The following CACNA2D4 variants were observed in gnomAD, a reference collection of about 807,000 sequenced individuals.
CACNA2D4 encodes the protein calcium voltage-gated channel auxiliary subunit alpha2delta 4, also known as voltage-dependent calcium channel subunit alpha-2/delta-4.
A neutral mutation model predicts 163.8 loss-of-function variants in CACNA2D4; 157 were observed. The ratio of observed to expected loss-of-function variants is 0.96; its 90% CI spans 0.84 to 1.09. CACNA2D4 has a LOEUF of 1.09. Ranked by LOEUF, CACNA2D4 falls within the 50% of genes least tolerant of loss-of-function variation. The pLI is 0.00. For missense variants in CACNA2D4, 1,410 were observed against 1,479.9 expected (o/e 0.95, Z 0.78); for synonymous variants, 598 against 586.9 (o/e 1.02, Z -0.27).
intron 26 of CACNA2D4, among the ~76,000 whole-genome samples, chr12:1,840,442 A>G (rs1295469858): frequency 1.3e-4 from 16 of 121,334 alleles, no homozygotes; most frequent in African/African-American, 2.2e-4. Flanking sequence ...TATGTGGAAG[A>G]GGGGGGTGGG....
At chr12:1,905,882 T>C (rs11062017) in intron 6 of CACNA2D4, among the ~76,000 whole-genome samples, 5,586 of 152,136 alleles carry the variant, frequency 0.037, 332 homozygotes, top group African/African-American at 0.12. Context: ...CCTAAACAAT[T>C]TGGGGGGAAA....
At position 1,798,691 on chromosome 12, in the gene CACNA2D4, G is replaced by C. The variant is rs551824270; in HGVS notation, c.2995+984C>G. On this transcript the variant is annotated intron_variant, in intron 34 of 37. Transcript: ENST00000382722. The surrounding 1 kb of genome is among the most constrained non-coding windows in gnomAD (Gnocchi z 4.3). ...ACTGACATCTGTGTAGGCCAGACCA[G>C]GGGGAGGAGCTCCAGGGGACAGGTA... Among the ~76,000 whole-genome samples the C allele has an allele frequency of 4.6e-5, 7 of 152,304 alleles. No individual in the cohort carries two copies. The highest frequency in any genetic ancestry group is 4.6e-4 in the Admixed American group (7 of 15,304).
chr12:1,856,554 T>C (rs1465774915), intron 20 of CACNA2D4, among the ~76,000 whole-genome samples: 1 of 152,206 alleles, frequency 6.6e-6, no homozygotes, highest in African/African-American at 2.4e-5. Flanking sequence ...CCAGGTTGGA[T>C]TTGGGTTATT....
chr12:1,804,376 C>T (rs963616840), intron 29 of CACNA2D4, among the ~76,000 whole-genome samples: 2 of 152,124 alleles, frequency 1.3e-5, no homozygotes, highest in African/African-American at 4.8e-5. Flanking sequence ...GTCTTAATTC[C>T]TACAAACCTG....
At chr12:1,817,915 G>A (rs1443451855) in intron 26 of CACNA2D4, among the ~76,000 whole-genome samples, 1 of 152,020 alleles carries the variant, frequency 6.6e-6, no homozygotes, top group Non-Finnish European at 1.5e-5. Context: ...CCCCGTCTGG[G>A]AAGTGAGGAG....
Position 1,828,073 on chromosome 12 carries a change from C to G in CACNA2D4, c.2551+12666G>C. 1 of 1,385,086 alleles carries G rather than the reference C, an allele frequency of 7.2e-7. No homozygotes were observed. Among genetic ancestry groups the G allele is most frequent in the Non-Finnish European group, 9.6e-7 (1 of 1,045,524 alleles). The allele number at this position is 1,385,086 out of a possible 1,614,324, so 85.8% of individuals were successfully genotyped here. A position where few individuals can be genotyped will look rare whatever the true frequency, so the allele number is the denominator to read the frequency against. ...CTGTGCTCAGTGCTCCTCCCTCCCT[C>G]AGGACTGACAGGCGGCGCACCCAGG... On this transcript the variant is annotated intron_variant, in intron 26 of 37. Transcript: ENST00000382722. This position sits in a 1 kb window ranked among gnomAD's most constrained non-coding sequence, Gnocchi z 4.2.
intron 19 of CACNA2D4, among the ~76,000 whole-genome samples, chr12:1,859,724 G>T (rs1276145658): frequency 6.6e-6 from 1 of 152,270 alleles, no homozygotes; most frequent in Non-Finnish European, 1.5e-5. Flanking sequence ...GTAGGAGGCA[G>T]AGGTGACGCA....
chr12:1,824,631 C>G (rs544031750), intron 26 of CACNA2D4, among the ~76,000 whole-genome samples: 138 of 152,224 alleles, frequency 9.1e-4, no homozygotes, highest in Non-Finnish European at 1.6e-3. Flanking sequence ...ATGCTGCACC[C>G]TGGGTAGGGA....
chr12:1,831,056 C>T (rs373151998), intron 26 of CACNA2D4: 154 of 1,613,944 alleles, frequency 9.5e-5, no homozygotes, highest in Non-Finnish European at 1.2e-4. Context: ...CCACGGTGCC[C>T]CCAGACGTGC....
intron 2 of CACNA2D4, among the ~76,000 whole-genome samples, chr12:1,914,026 A>G (rs989763296): frequency 2.0e-5 from 3 of 152,218 alleles, no homozygotes; most frequent in Non-Finnish European, 2.9e-5. Context: ...TCATCGCTAC[A>G]GTGGCCTGTG....
At position 1,795,338 on chromosome 12, in the gene CACNA2D4, G is replaced by A; in HGVS notation, c.3270C>T (p.Leu1090=). The A allele has an allele frequency of 6.2e-7, 1 of 1,612,724 alleles. No individual in the cohort carries two copies. The highest frequency in any genetic ancestry group is 8.5e-7 in the Non-Finnish European group (1 of 1,179,888). The change falls in exon 37 of 38, where the codon CTC becomes CTT. Residue 1090 remains leucine (L), a synonymous_variant. Transcript: ENST00000382722. ...CGTGGCAGGAGTCTGGTCGCCGGCG[G>A]AGCTTCTGGGAGCGCATCCGGTCAC... ...VKCDRMRSQK[L]RRRPDSCHAF...
intron 29 of CACNA2D4, among the ~76,000 whole-genome samples, chr12:1,805,815 G>C (rs1386639223): frequency 6.6e-6 from 1 of 152,270 alleles, no homozygotes; most frequent in East Asian, 1.9e-4. Flanking sequence ...GCCAAGGCAG[G>C]CTGCCCAGAG....
chr12:1,865,717 C>A (rs1008277074), intron 18 of CACNA2D4, among the ~76,000 whole-genome samples: 1 of 152,134 alleles, frequency 6.6e-6, no homozygotes, highest in African/African-American at 2.4e-5. Context: ...GGGCGGCAGG[C>A]GCGAGGGGAG....
intron 23 of CACNA2D4, among the ~76,000 whole-genome samples, chr12:1,847,118 C>T (rs979245595): frequency 6.6e-6 from 1 of 152,180 alleles, no homozygotes; most frequent in Non-Finnish European, 1.5e-5. Context: ...CTTACCGAAA[C>T]GTGAAGGGAG....
chr12:1,811,830 A>C, intron 26 of CACNA2D4, 107 bp from the exon 27 acceptor site: 1 of 1,111,608 alleles, frequency 9.0e-7, no homozygotes, highest in Non-Finnish European at 1.3e-6. Context: ...GAGGAGAGAG[A>C]CCGCAGCGGA....
intron 20 of CACNA2D4, among the ~76,000 whole-genome samples, 174 bp downstream of exon 20, chr12:1,858,403 C>G (rs1865446273): frequency 6.6e-6 from 1 of 152,084 alleles, no homozygotes; most frequent in Non-Finnish European, 1.5e-5. Context: ...GCCCTGGGAG[C>G]CAGGGACACA....
intron 18 of CACNA2D4, among the ~76,000 whole-genome samples, chr12:1,865,649 G>A (rs1865634678): frequency 6.6e-6 from 1 of 152,202 alleles, no homozygotes; most frequent in Non-Finnish European, 1.5e-5. Flanking sequence ...CACCACGCAC[G>A]AGGCCCAGCA....
At chr12:1,856,710 C>T (rs900445832) in intron 20 of CACNA2D4, among the ~76,000 whole-genome samples, 5 of 152,176 alleles carry the variant, frequency 3.3e-5, no homozygotes, top group Non-Finnish European at 7.4e-5. Flanking sequence ...CAGGATGGGC[C>T]CTGTGTGTTT....
chr12:1,866,619 T>TC lies in CACNA2D4; in HGVS notation c.1879-6414_1879-6413insG, dbSNP rs376466018. ...CTGTTTCCTTCTATCTGAAAATGTC[T>TC]TTTTTTGTTGTTTGTTTTGGAGACA... On this transcript the variant is annotated intron_variant, in intron 18 of 37. Coordinates refer to ENST00000382722, the MANE Select transcript of CACNA2D4 (RefSeq NM_172364.5). Among the ~76,000 whole-genome samples, 184 of 149,488 alleles carry TC rather than the reference T, an allele frequency of 1.2e-3. 1 individual carries two copies. The highest frequency in any genetic ancestry group is 4.3e-3 in the African/African-American group (173 of 40,510).
Sources: allele counts gnomAD v4.1 joint callset (sites outside exome capture counted in the v4.1 genomes callset), GRCh38; gene constraint gnomAD v4.1.1; non-coding constraint Gnocchi (gnomAD v3.1); transcripts MANE v1.5; gene names NCBI Gene and HGNC (gene_info 2026-07-23, HGNC 2026-07-21).